Variants in AUTS2 observed in about 807,000 individuals in gnomAD.
AUTS2 encodes autism susceptibility gene 2 protein.
In AUTS2, 17 loss-of-function variants were observed where a neutral mutation model predicts 112.4. The observed-to-expected ratio is 0.15, with a 90% CI of 0.10 to 0.23. AUTS2 has a LOEUF of 0.23. Ranked by LOEUF, AUTS2 falls within the 10% of genes least tolerant of loss-of-function variation. The pLI is 1.00. For missense variants in AUTS2, 1,510 were observed against 1,701.6 expected (o/e 0.89, Z 1.98); for synonymous variants, 751 against 702.7 (o/e 1.07, Z -1.09).
At chr7:70,417,824 T>C (rs1795049323) in intron 4 of AUTS2, among the ~76,000 whole-genome samples, 1 of 152,158 alleles carries the variant, frequency 6.6e-6, no homozygotes, top group Admixed American at 6.5e-5. Flanking sequence ...CTGAAGGGCA[T>C]GTCAGACAAG....
chr7:70,066,312 A>G (rs1467628556), intron 2 of AUTS2, among the ~76,000 whole-genome samples: 1 of 152,198 alleles, frequency 6.6e-6, no homozygotes, highest in Non-Finnish European at 1.5e-5. Context: ...TTATGTTTAA[A>G]AAGCTAAATT....
At position 70,306,403 on chromosome 7, in the gene AUTS2, C is replaced by A. The variant is rs142740538; in HGVS notation, c.661-129349C>A. 1.3e-3 allele frequency among the ~76,000 whole-genome samples: 203 copies of A among 152,266 alleles called. 1 individual carries two copies. In the East Asian group the frequency reaches 0.016, roughly 12 times the overall value. ...GTGCTGTGTCTTGAGTACTTTTTCCCGCTGCTCTGTCAACTCTTCTTTAGT... is the reference window on the plus strand; with the variant it reads ...GTGCTGTGTCTTGAGTACTTTTTCCAGCTGCTCTGTCAACTCTTCTTTAGT... On this transcript the variant is annotated intron_variant, in intron 4 of 18. Coordinates refer to ENST00000342771, the MANE Select transcript of AUTS2 (RefSeq NM_015570.4).
intron 2 of AUTS2, among the ~76,000 whole-genome samples, chr7:70,081,965 T>TGTGTGTGCGCGC (rs1018968486): frequency 1.1e-4 from 14 of 128,104 alleles, no homozygotes; most frequent in African/African-American, 1.7e-4. Flanking sequence ...TGTGTGTGTG[T>TGTGTGTGCGCGC]GCGCGCGCCT....
intron 5 of AUTS2, among the ~76,000 whole-genome samples, chr7:70,515,966 T>C (rs1799399514): frequency 6.6e-6 from 1 of 152,204 alleles, no homozygotes; most frequent in South Asian, 2.1e-4. Flanking sequence ...CAAAAGGGTA[T>C]TTCATGGCCG....
At chr7:70,660,716 T>C (rs1563109258) in intron 5 of AUTS2, among the ~76,000 whole-genome samples, 1 of 152,212 alleles carries the variant, frequency 6.6e-6, no homozygotes, top group Non-Finnish European at 1.5e-5. Context: ...AAGTAGCTGT[T>C]GGTTTATTCA....
At chr7:70,369,371 A>T (rs1792733902) in intron 4 of AUTS2, among the ~76,000 whole-genome samples, 1 of 152,128 alleles carries the variant, frequency 6.6e-6, no homozygotes, top group African/African-American at 2.4e-5. Flanking sequence ...TCATGCCATG[A>T]GTTTGAGGGT....
chr7:69,967,274 G>A lies in AUTS2; in HGVS notation c.522+67776G>A, dbSNP rs549117351. 5.3e-5 allele frequency among the ~76,000 whole-genome samples: 8 copies of A among 152,040 alleles called. No individual in the cohort carries two copies. The South Asian group carries it at 1.5e-3, about 28-fold the overall frequency. ...AGTGCTGGAATTCATTATTCATCCCGTGGGAGTAGGGGTCAGAGGAGAAGG... is the reference window on the plus strand; with the variant it reads ...AGTGCTGGAATTCATTATTCATCCCATGGGAGTAGGGGTCAGAGGAGAAGG... On this transcript the variant is annotated intron_variant, in intron 2 of 18. Coordinates refer to ENST00000342771, the MANE Select transcript of AUTS2 (RefSeq NM_015570.4).
At chr7:69,971,018 A>G (rs1797826069) in intron 2 of AUTS2, among the ~76,000 whole-genome samples, 1 of 152,092 alleles carries the variant, frequency 6.6e-6, no homozygotes, top group African/African-American at 2.4e-5. Flanking sequence ...TGCAAAATTA[A>G]AAATTAAAAA....
rs1381006452 is a variant in AUTS2, at chr7:70,486,005, AAAT to A, written c.690+50227_690+50229del. Among the ~76,000 whole-genome samples, 10 of 130,610 alleles carry A rather than the reference AAAT, an allele frequency of 7.7e-5. No homozygotes were observed. In the South Asian group the frequency reaches 2.5e-3, roughly 32 times the overall value. The allele number at this position is 130,610 out of a possible 152,430, so 85.7% of individuals were successfully genotyped here. On this transcript the variant is annotated intron_variant, in intron 5 of 18. Transcript: ENST00000342771. ...CTTAATTAAAAAATAAATAAATAAT[AAAT>A]AAATAAATAAATAAATAAATAAACC...
chr7:69,603,043 G>C (rs909399505), intron 1 of AUTS2, among the ~76,000 whole-genome samples: 1 of 152,200 alleles, frequency 6.6e-6, no homozygotes, highest in Non-Finnish European at 1.5e-5. Flanking sequence ...GTTTGTAAAA[G>C]TTAAGAATTA....
chr7:69,926,407 A>T, intron 2 of AUTS2, among the ~76,000 whole-genome samples: 1 of 152,024 alleles, frequency 6.6e-6, no homozygotes, highest in East Asian at 1.9e-4. Flanking sequence ...TATCCCTGGT[A>T]ATAGTCTTTG....
At chr7:70,390,407 T>C (rs2129721902) in intron 4 of AUTS2, among the ~76,000 whole-genome samples, 1 of 152,202 alleles carries the variant, frequency 6.6e-6, no homozygotes, top group East Asian at 1.9e-4. Flanking sequence ...GAAAAGAATT[T>C]AGAAATCAGG....
At chr7:70,420,135 C>G (rs1795156199) in intron 4 of AUTS2, among the ~76,000 whole-genome samples, 1 of 152,206 alleles carries the variant, frequency 6.6e-6, no homozygotes, top group African/African-American at 2.4e-5. Context: ...TTGTTCTCTA[C>G]CTTTGTATTT....
intron 4 of AUTS2, among the ~76,000 whole-genome samples, chr7:70,275,790 C>T (rs1312247274): frequency 3.3e-5 from 5 of 152,172 alleles, no homozygotes; most frequent in African/African-American, 7.2e-5. Flanking sequence ...TCTTCTCTCT[C>T]CTGCCACCTT....
intron 4 of AUTS2, among the ~76,000 whole-genome samples, chr7:70,138,970 CTTCTTTT>C (rs1408242121): frequency 3.3e-5 from 5 of 151,980 alleles, no homozygotes; most frequent in Non-Finnish European, 5.9e-5. Context: ...TGTATAACTT[CTTCTTTT>C]TTCTTTTTGA....
chr7:70,704,477 T>C (rs574093998), intron 6 of AUTS2, among the ~76,000 whole-genome samples: 62 of 152,344 alleles, frequency 4.1e-4, no homozygotes, highest in African/African-American at 1.5e-3. Context: ...ACTGCTGTCC[T>C]TTGAAAGAGT....
At chr7:70,569,166 ACT>A (rs1197827563) in intron 5 of AUTS2, among the ~76,000 whole-genome samples, 4 of 151,700 alleles carry the variant, frequency 2.6e-5, no homozygotes, top group Non-Finnish European at 4.4e-5. Flanking sequence ...TTATTTTATC[ACT>A]CTCTGTGTTT....
chr7:70,290,430 G>T, intron 4 of AUTS2: 1 of 1,542,734 alleles, frequency 6.5e-7, no homozygotes, highest in Non-Finnish European at 8.7e-7. Flanking sequence ...ATATGAAGAG[G>T]GATGTCAGCA....
intron 6 of AUTS2, among the ~76,000 whole-genome samples, chr7:70,705,241 CAGAA>C (rs1291736312): frequency 1.3e-5 from 2 of 152,194 alleles, no homozygotes; most frequent in African/African-American, 2.4e-5. Context: ...CTCAATTACT[CAGAA>C]AGCGCAGTCT....
Sources: gnomAD v4.1 joint callset for allele counts (sites outside exome capture counted in the v4.1 genomes callset) on GRCh38, gnomAD v4.1.1 for gene constraint, MANE v1.5 for transcripts, NCBI Gene and HGNC (gene_info 2026-07-23, HGNC 2026-07-21) for gene names.